Variants in NUP133 observed in about 807,000 individuals in gnomAD.
The protein encoded by NUP133 is nuclear pore complex protein Nup133.
A neutral mutation model predicts 146.2 loss-of-function variants in NUP133; 66 were observed. The observed-to-expected ratio is 0.45, with a 90% CI of 0.37 to 0.55. The LOEUF (loss-of-function observed/expected upper bound fraction) is 0.55. NUP133 is among the 20% of genes least tolerant of loss of function. NUP133 has a pLI of 0.00. For synonymous variants in NUP133, 521 were observed against 498.8 expected (o/e 1.04, Z -0.59); for missense variants, 1,277 against 1,374.8 (o/e 0.93, Z 1.12).
At chr1:229,491,715 T>C (rs1450406206) in intron 8 of NUP133, among the ~76,000 whole-genome samples, 1 of 152,128 alleles carries the variant, frequency 6.6e-6, no homozygotes, top group Admixed American at 6.5e-5. Context: ...GATGCAGAGA[T>C]TGCAGTGAGC....
chr1:229,446,323 C>T (rs1043019146), intron 24 of NUP133, among the ~76,000 whole-genome samples: 15 of 151,800 alleles, frequency 9.9e-5, no homozygotes, highest in Non-Finnish European at 1.5e-4. Context: ...GTAGGAGAAT[C>T]GCTTGAACTT....
chr1:229,478,511 C>T (rs1055293065), intron 12 of NUP133, among the ~76,000 whole-genome samples: 3 of 152,024 alleles, frequency 2.0e-5, no homozygotes, highest in Admixed American at 2.0e-4. Context: ...CGCAAGTAAG[C>T]CTCTATCTCA....
At chr1:229,500,592 TTC>T (rs1395076559) in intron 4 of NUP133, among the ~76,000 whole-genome samples, 162 bp downstream of exon 4, 1 of 152,252 alleles carries the variant, frequency 6.6e-6, no homozygotes, top group Non-Finnish European at 1.5e-5. Context: ...GTATTCTCTA[TTC>T]TGTTACACTG....
At chr1:229,482,923 G>A (rs1033137298) in intron 12 of NUP133, among the ~76,000 whole-genome samples, 2 of 152,168 alleles carry the variant, frequency 1.3e-5, no homozygotes, top group African/African-American at 4.8e-5. Context: ...ATGTGAGTAC[G>A]GTAAAGAGCA....
intron 19 of NUP133, among the ~76,000 whole-genome samples, chr1:229,462,436 T>G (rs1293519420): frequency 6.6e-6 from 1 of 152,326 alleles, no homozygotes; most frequent in East Asian, 1.9e-4. Flanking sequence ...TTTATAGTGG[T>G]TTTCTAAATT....
At position 229,464,629 on chromosome 1, in the gene NUP133, G is replaced by A. The variant is rs1660770096; in HGVS notation, c.2546C>T (p.Pro849Leu). ...GCCAAGTATCATGAACTTACGAAGA[G>A]GAGATAAGAGATCTGATCTTTTCTG... ...YLQKRSDLLSPLLSLGQYLWA... is the reference protein window; with the variant it reads ...YLQKRSDLLSLLLSLGQYLWA... Residue 849 changes from proline (P) to leucine (L), a missense_variant, in exon 18 of 26, where the codon CCT (proline) becomes CTT (leucine). Around this residue, in one of 3 missense-constraint regions of NUP133, gnomAD observed 952 missense variants for 1,047.0 expected, o/e 0.91. Coordinates refer to ENST00000261396, the MANE Select transcript of NUP133 (RefSeq NM_018230.3). The A allele has an allele frequency of 1.9e-6, 3 of 1,613,968 alleles. No individual in the cohort carries two copies. Among genetic ancestry groups the A allele is most frequent in the East Asian group, 2.2e-5 (1 of 44,882 alleles).
At chr1:229,450,965 C>G (rs1004001139) in intron 22 of NUP133, 2 of 154,120 alleles carry the variant, frequency 1.3e-5, no homozygotes, top group African/African-American at 4.8e-5. Flanking sequence ...TTCAAGTGAT[C>G]CGCCTGCCTT....
intron 12 of NUP133, among the ~76,000 whole-genome samples, chr1:229,482,216 G>A (rs1661232038): frequency 6.6e-6 from 1 of 152,140 alleles, no homozygotes; most frequent in Non-Finnish European, 1.5e-5. Flanking sequence ...GGTACAGAAT[G>A]TTAGAACTGT....
intron 14 of NUP133, among the ~76,000 whole-genome samples, chr1:229,471,794 C>T (rs987940419): frequency 1.3e-5 from 2 of 152,074 alleles, no homozygotes; most frequent in African/African-American, 4.8e-5. Context: ...TATTTACATG[C>T]TAGGAGATAT....
rs573416618 is a variant in NUP133 at position 229,472,135 on chromosome 1, C to T, written c.1852-1331G>A. Among the ~76,000 whole-genome samples the T allele has an allele frequency of 2.6e-5, 4 of 150,980 alleles. No homozygotes were observed. The South Asian group carries it at 8.4e-4, about 32-fold the overall frequency. On this transcript the variant is annotated intron_variant, in intron 14 of 25. Coordinates refer to ENST00000261396, the MANE Select transcript of NUP133 (RefSeq NM_018230.3). ...GAGATCGAGACCATCCTGGCTGAAA[C>T]AGTGAAACCCCGTCTCTACTAAAAA...
At chr1:229,506,188 T>C (rs1558111613) in intron 1 of NUP133, 30 bp from the exon 2 acceptor site, 2 of 1,291,020 alleles carry the variant, frequency 1.5e-6, no homozygotes, top group East Asian at 2.3e-5. Flanking sequence ...TTACCTTACT[T>C]GTAACTTAAA....
At chr1:229,450,471 T>C in intron 23 of NUP133, 54 bp downstream of exon 23, 1 of 900,952 alleles carries the variant, frequency 1.1e-6, no homozygotes, top group Non-Finnish European at 1.7e-6. Context: ...GGGATCTCCC[T>C]CTTTTTATAT....
intron 2 of NUP133, among the ~76,000 whole-genome samples, chr1:229,504,360 A>T (rs1661881533): frequency 6.6e-6 from 1 of 152,210 alleles, no homozygotes; most frequent in African/African-American, 2.4e-5. Flanking sequence ...CAGAAAAATC[A>T]CAAAGATCTA....
At chr1:229,505,973 A>G in intron 2 of NUP133, 67 bp downstream of exon 2, 1 of 884,680 alleles carries the variant, frequency 1.1e-6, no homozygotes, top group Non-Finnish European at 1.9e-6. Context: ...CATAAATTTA[A>G]TCTCTATGCC....
At chr1:229,477,559 G>A (rs1382909486) in intron 13 of NUP133, 38 bp downstream of exon 13, 2 of 1,542,100 alleles carry the variant, frequency 1.3e-6, no homozygotes, top group Admixed American at 1.9e-5. Context: ...ACCAGAATAT[G>A]TTCAAAACAC....
intron 24 of NUP133, 32 bp from the exon 25 acceptor site, chr1:229,445,034 G>A (rs756346591): frequency 1.6e-5 from 23 of 1,403,714 alleles, no homozygotes; most frequent in African/African-American, 2.8e-5. Flanking sequence ...AGGGAAAAAT[G>A]AAATCACTGA....
At chr1:229,451,681 C>T (rs1163207663) in intron 22 of NUP133, among the ~76,000 whole-genome samples, 1 of 152,156 alleles carries the variant, frequency 6.6e-6, no homozygotes, top group Non-Finnish European at 1.5e-5. Flanking sequence ...CAACAATACT[C>T]AGACCATTTC....
intron 25 of NUP133, among the ~76,000 whole-genome samples, chr1:229,443,201 A>G (rs77312869): frequency 6.8e-6 from 1 of 147,274 alleles, no homozygotes; most frequent in African/African-American, 2.6e-5. Context: ...AAGCCTAGCT[A>G]ATTTTTTTTT....
At chr1:229,446,692 C>A (rs1660310174) in intron 24 of NUP133, among the ~76,000 whole-genome samples, 1 of 151,860 alleles carries the variant, frequency 6.6e-6, no homozygotes, top group Non-Finnish European at 1.5e-5. Context: ...CAAGATTGTG[C>A]CACTGCACTC....
Sources: allele counts gnomAD v4.1 joint callset (sites outside exome capture counted in the v4.1 genomes callset), GRCh38; gene constraint gnomAD v4.1.1; regional missense constraint gnomAD v4.1.1; transcripts MANE v1.5; gene names NCBI Gene and HGNC (gene_info 2026-07-23, HGNC 2026-07-21).